The following DOCK3 variants were observed in gnomAD, a reference collection of about 807,000 sequenced individuals.
DOCK3 encodes dedicator of cytokinesis protein 3.
Under a neutral mutation model 265.6 loss-of-function variants are expected in DOCK3, and 60 were observed. The observed-to-expected ratio is 0.23, with a 90% CI of 0.18 to 0.28. The LOEUF (loss-of-function observed/expected upper bound fraction) is 0.28. Among genes scored for constraint, DOCK3 ranks in the 10% least tolerant of loss-of-function variants. The pLI, the probability that DOCK3 is intolerant of heterozygous loss-of-function variation, is 1.00. For missense variants in DOCK3, 1,981 were observed against 2,594.3 expected (o/e 0.76, Z 5.14); for synonymous variants, 881 against 938.0 (o/e 0.94, Z 1.11).
chr3:51,229,571 G>A lies in DOCK3; in HGVS notation c.1879G>A (p.Gly627Arg), dbSNP rs2090461788. 1 of 1,607,872 alleles carries A rather than the reference G, an allele frequency of 6.2e-7. No individual in the cohort carries two copies. Among genetic ancestry groups the A allele is most frequent in the African/African-American group, 1.3e-5 (1 of 74,664 alleles). Residue 627 changes from glycine (G) to arginine (R), a missense_variant, in exon 19 of 53, where the codon GGG becomes AGG. Transcript: ENST00000266037. ...CCCCGACCGGATCATGGATGTACTAGGGCGGCTGCGGCATGTCAGTGGGGA... is the reference window on the plus strand; with the variant it reads ...CCCCGACCGGATCATGGATGTACTAAGGCGGCTGCGGCATGTCAGTGGGGA... ...AFPDRIMDVL[G>R]RLRHVSGEEI...
At chr3:51,124,478 T>A (rs1002949888) in intron 9 of DOCK3, among the ~76,000 whole-genome samples, 1 of 152,112 alleles carries the variant, frequency 6.6e-6, no homozygotes, top group Non-Finnish European at 1.5e-5. Flanking sequence ...GCATAAAACC[T>A]GGTGGGCTGA....
At chr3:50,841,596 AT>A in intron 2 of DOCK3, 78 bp from the exon 3 acceptor site, 4 of 597,308 alleles carry the variant, frequency 6.7e-6, no homozygotes, top group South Asian at 3.9e-5. Flanking sequence ...GCATTTATCT[AT>A]TTTTTTCAAA....
chr3:51,212,386 G>A (rs1040490017), intron 13 of DOCK3, among the ~76,000 whole-genome samples: 2 of 149,606 alleles, frequency 1.3e-5, no homozygotes, highest in Non-Finnish European at 3.0e-5. Context: ...CAGTCAGTGA[G>A]TACTTAAACC....
intron 1 of DOCK3, among the ~76,000 whole-genome samples, chr3:50,775,851 A>ATTC (rs10663062): frequency 0.95 from 145,144 of 152,126 alleles, 69,658 homozygotes; most frequent in East Asian, 1. Flanking sequence ...TTGCTTTCCC[A>ATTC]TTGAGTTTCT....
At chr3:51,227,609 A>G (rs1050291687) in intron 16 of DOCK3, among the ~76,000 whole-genome samples, 164 bp downstream of exon 16, 1 of 152,254 alleles carries the variant, frequency 6.6e-6, no homozygotes, top group Non-Finnish European at 1.5e-5. Context: ...TCTTGGGACT[A>G]TAAAAGCAGT....
chr3:51,102,826 G>A (rs916274325), intron 9 of DOCK3, among the ~76,000 whole-genome samples: 1 of 152,156 alleles, frequency 6.6e-6, no homozygotes, highest in African/African-American at 2.4e-5. Context: ...TCAGTTCTTG[G>A]TTAGAAAAGG....
At chr3:51,263,936 A>G (rs926359524) in intron 23 of DOCK3, among the ~76,000 whole-genome samples, 6 of 152,174 alleles carry the variant, frequency 3.9e-5, no homozygotes, top group African/African-American at 1.4e-4. Context: ...AGAGTCCAAT[A>G]AAGAGACTTA....
chr3:50,902,628 T>C (rs2049260033), intron 4 of DOCK3, among the ~76,000 whole-genome samples: 1 of 152,228 alleles, frequency 6.6e-6, no homozygotes, highest in African/African-American at 2.4e-5. Context: ...TGCAGCCTTG[T>C]TCTTTTTCCT....
intron 2 of DOCK3, among the ~76,000 whole-genome samples, chr3:50,788,723 C>T (rs2042311577): frequency 6.6e-6 from 1 of 152,050 alleles, no homozygotes; most frequent in Non-Finnish European, 1.5e-5. Flanking sequence ...GCCACCACTC[C>T]CATGTCTCTG....
chr3:51,294,733 T>G, intron 27 of DOCK3, among the ~76,000 whole-genome samples: 1 of 145,642 alleles, frequency 6.9e-6, no homozygotes, highest in Non-Finnish European at 1.5e-5. Context: ...GATAGTAGAA[T>G]GATGGTTACC....
chr3:50,844,144 A>G (rs1425312533), intron 3 of DOCK3, among the ~76,000 whole-genome samples: 1 of 152,252 alleles, frequency 6.6e-6, no homozygotes, highest in Admixed American at 6.5e-5. Context: ...TATGATTTAT[A>G]CTAATAAGTA....
At chr3:50,699,071 C>T (rs979527593) in intron 1 of DOCK3, among the ~76,000 whole-genome samples, 1 of 152,166 alleles carries the variant, frequency 6.6e-6, no homozygotes, top group African/African-American at 2.4e-5. Context: ...GTCTTTTATC[C>T]ATTTCGAGTT....
At position 50,778,709 on chromosome 3, in the gene DOCK3, G is replaced by A. The variant is rs1220960907; in HGVS notation, c.72G>A (p.Gly24=). The change falls in exon 2 of 53, where the codon GGG becomes GGA. Residue 24 remains glycine, a synonymous_variant. Transcript: ENST00000266037. ...ICSFRGSVPQ[G]LVLEIGETVQ... ...GCTTTCGAGGATCTGTCCCTCAAGGGTTGGTCTTAGAAATAGGAGAAACAG... is the reference window on the plus strand; with the variant it reads ...GCTTTCGAGGATCTGTCCCTCAAGGATTGGTCTTAGAAATAGGAGAAACAG... 5.7e-6 allele frequency: 9 copies of A among 1,589,462 alleles called. No homozygotes were observed. The highest frequency in any genetic ancestry group is 1.3e-5 in the African/African-American group (1 of 74,644).
chr3:50,845,677 T>A (rs560814127), intron 3 of DOCK3, among the ~76,000 whole-genome samples: 1 of 152,258 alleles, frequency 6.6e-6, no homozygotes, highest in South Asian at 2.1e-4. Flanking sequence ...ATTACTGTCA[T>A]ACAGTATAAC....
chr3:51,206,312 T>C (rs769229947), intron 12 of DOCK3, among the ~76,000 whole-genome samples: 16 of 152,260 alleles, frequency 1.1e-4, no homozygotes, highest in Non-Finnish European at 2.2e-4. Context: ...AAGCACTTAT[T>C]ATGTGCTACA....
At chr3:50,822,430 T>C (rs1383337221) in intron 2 of DOCK3, among the ~76,000 whole-genome samples, 1 of 152,170 alleles carries the variant, frequency 6.6e-6, no homozygotes, top group Admixed American at 6.5e-5. Context: ...TTTCTAGGTA[T>C]AGAATTACAT....
chr3:50,985,341 A>T (rs1251040508), intron 5 of DOCK3, among the ~76,000 whole-genome samples: 1 of 152,228 alleles, frequency 6.6e-6, no homozygotes, highest in South Asian at 2.1e-4. Context: ...GCAGATTTGT[A>T]CAAGAGTAAT....
At chr3:51,334,915 G>A (rs971772844) in intron 35 of DOCK3, among the ~76,000 whole-genome samples, 1 of 152,094 alleles carries the variant, frequency 6.6e-6, no homozygotes, top group African/African-American at 2.4e-5. Flanking sequence ...TGTCTCAATG[G>A]TGGTATCTAC....
intron 5 of DOCK3, among the ~76,000 whole-genome samples, chr3:51,053,098 T>TAG (rs1262863021): frequency 8.7e-5 from 8 of 92,458 alleles, no homozygotes; most frequent in Non-Finnish European, 2.0e-4. Context: ...TATATATATA[T>TAG]ATATATATAT....
Sources: gnomAD v4.1 joint callset for allele counts (sites outside exome capture counted in the v4.1 genomes callset) on GRCh38, gnomAD v4.1.1 for gene constraint, MANE v1.5 for transcripts, NCBI Gene and HGNC (gene_info 2026-07-23, HGNC 2026-07-21) for gene names.